NRG3: variants seen among roughly 807,000 people sequenced by gnomAD.
The protein encoded by NRG3 is pro-neuregulin-3, membrane-bound isoform.
NRG3 carries 31 observed loss-of-function variants against 66.9 expected under a neutral mutation model. The observed-to-expected ratio is 0.46, with a 90% CI of 0.35 to 0.63. The LOEUF (loss-of-function observed/expected upper bound fraction) is 0.63. Ranked by LOEUF, NRG3 falls within the 20% of genes least tolerant of loss-of-function variation. NRG3 has a pLI of 0.00. For synonymous variants in NRG3, 393 were observed against 359.4 expected (o/e 1.09, Z -1.06); for missense variants, 910 against 878.9 (o/e 1.04, Z -0.45).
At chr10:82,138,769 A>C (rs2132612989) in intron 1 of NRG3, among the ~76,000 whole-genome samples, 1 of 152,262 alleles carries the variant, frequency 6.6e-6, no homozygotes. Flanking sequence ...AGAGTCCCAA[A>C]GCTGAAGGAC....
intron 1 of NRG3, among the ~76,000 whole-genome samples, chr10:82,188,421 C>T (rs1011538887): frequency 1.3e-5 from 2 of 151,930 alleles, no homozygotes; most frequent in Non-Finnish European, 2.9e-5. Context: ...GAGCAGTACC[C>T]CAGCATAAGC....
chr10:82,927,234 C>A (rs963327537), intron 4 of NRG3, among the ~76,000 whole-genome samples: 1 of 152,062 alleles, frequency 6.6e-6, no homozygotes, highest in African/African-American at 2.4e-5. Context: ...ATTTACCCAG[C>A]ACAATAAAGG....
chr10:82,666,888 G>T lies in NRG3; in HGVS notation c.954-71689G>T, dbSNP rs148801515. Among the ~76,000 whole-genome samples, 1,357 of 152,264 alleles carry T rather than the reference G, an allele frequency of 8.9e-3. 23 individuals are homozygous for T. The highest frequency in any genetic ancestry group is 0.03 in the African/African-American group (1,239 of 41,542). On this transcript the variant is annotated intron_variant, in intron 2 of 8. Transcript: ENST00000372141. ...ATATGGTAATAAATATTTGTGAGAT[G>T]ACTTTAATAAATGCATGATACATTA... is the stretch of plus-strand genomic sequence containing the variant.
At chr10:82,173,674 AACACACAC>A (rs3037392) in intron 1 of NRG3, among the ~76,000 whole-genome samples, 7 of 146,618 alleles carry the variant, frequency 4.8e-5, no homozygotes, top group African/African-American at 1.0e-4. Context: ...TGCATATGTG[AACACACAC>A]ACACACACAC....
At chr10:82,804,076 A>C (rs1187563967) in intron 3 of NRG3, among the ~76,000 whole-genome samples, 1 of 152,152 alleles carries the variant, frequency 6.6e-6, no homozygotes, top group African/African-American at 2.4e-5. Context: ...TTATCAGATC[A>C]ACCATCACAG....
intron 1 of NRG3, among the ~76,000 whole-genome samples, chr10:82,057,061 G>A (rs148454572): frequency 2.0e-5 from 3 of 152,044 alleles, no homozygotes; most frequent in African/African-American, 4.8e-5. Context: ...TTAGGATTTT[G>A]CACTTTATAC....
At chr10:82,702,041 T>C (rs1176023127) in intron 2 of NRG3, among the ~76,000 whole-genome samples, 1 of 152,152 alleles carries the variant, frequency 6.6e-6, no homozygotes, top group Non-Finnish European at 1.5e-5. Context: ...GATCACCCTG[T>C]GAGGCTGATG....
chr10:82,350,035 A>G (rs1292936592), intron 1 of NRG3, among the ~76,000 whole-genome samples: 1 of 151,972 alleles, frequency 6.6e-6, no homozygotes, highest in Non-Finnish European at 1.5e-5. Flanking sequence ...TGCGTCGCTC[A>G]CGCTGGGAGC....
intron 1 of NRG3, chr10:82,228,937 A>G (rs2076308049): frequency 6.6e-6 from 1 of 152,296 alleles, no homozygotes; most frequent in Non-Finnish European, 1.5e-5. Context: ...CACTTGTATG[A>G]AAGGAGTCAG....
At chr10:82,565,014 G>A (rs1020777497) in intron 2 of NRG3, among the ~76,000 whole-genome samples, 1 of 151,998 alleles carries the variant, frequency 6.6e-6, no homozygotes, top group African/African-American at 2.4e-5. Flanking sequence ...AGATGACAGG[G>A]CAAAAAGAAC....
At chr10:82,103,742 C>A (rs1188906358) in intron 1 of NRG3, among the ~76,000 whole-genome samples, 1 of 152,124 alleles carries the variant, frequency 6.6e-6, no homozygotes, top group Admixed American at 6.5e-5. Context: ...CAAGGGCCTC[C>A]TCCAGTTCTG....
chr10:82,799,311 G>A (rs1023683073), intron 3 of NRG3, among the ~76,000 whole-genome samples: 9 of 151,928 alleles, frequency 5.9e-5, no homozygotes, highest in African/African-American at 1.9e-4. Context: ...GCGGATCACC[G>A]AAGTCAGGAG....
In NRG3 at chr10:82,921,800, C is replaced by A. The variant is rs150357368; in HGVS notation, c.1055-29669C>A. Reference sequence around the variant, plus strand: ...CTCACTTTTCATCTTCTTTGCATCCCAACATAATTATTTCAGCTTTAGAGA... The same window carrying A: ...CTCACTTTTCATCTTCTTTGCATCCAAACATAATTATTTCAGCTTTAGAGA... On this transcript the variant is annotated intron_variant, in intron 4 of 8. Coordinates refer to ENST00000372141, the MANE Select transcript of NRG3 (RefSeq NM_001010848.4). 1.0e-3 allele frequency among the ~76,000 whole-genome samples: 159 copies of A among 152,142 alleles called. 3 individuals carry two copies. In the East Asian group the frequency reaches 0.026, roughly 25 times the overall value.
chr10:82,347,968 T>A (rs367632598), intron 1 of NRG3, among the ~76,000 whole-genome samples: 2 of 151,868 alleles, frequency 1.3e-5, no homozygotes, highest in Non-Finnish European at 2.9e-5. Context: ...TGTCTCTGCA[T>A]GTGAGATGGG....
chr10:82,002,061 T>C (rs2061193468), intron 1 of NRG3, among the ~76,000 whole-genome samples: 1 of 152,184 alleles, frequency 6.6e-6, no homozygotes, highest in Non-Finnish European at 1.5e-5. Flanking sequence ...TAACTCATCT[T>C]GCAAAACTTC....
In NRG3 at chr10:82,648,007, A is replaced by C. The variant is rs541932393; in HGVS notation, c.954-90570A>C. On this transcript the variant is annotated intron_variant, in intron 2 of 8. Transcript: ENST00000372141. ...TTGCTGTGCAGAAGCTCTTTAGTTT[A>C]ATTAGATCCCATTTGTCAATTTTGG... 1.9e-4 allele frequency among the ~76,000 whole-genome samples: 28 copies of C among 147,782 alleles called. No homozygotes were observed. In the South Asian group the frequency reaches 5.6e-3, roughly 29 times the overall value.
intron 2 of NRG3, among the ~76,000 whole-genome samples, chr10:82,405,380 A>C (rs555475772): frequency 5.4e-4 from 82 of 152,046 alleles, no homozygotes; most frequent in African/African-American, 1.7e-3. Context: ...TAGAGTAGGA[A>C]GAGATCACGT....
chr10:82,277,490 T>C (rs944535904), intron 1 of NRG3, among the ~76,000 whole-genome samples: 4 of 152,122 alleles, frequency 2.6e-5, no homozygotes, highest in African/African-American at 9.6e-5. Flanking sequence ...TAAGAATCTC[T>C]ACTTGGGGGA....
chr10:82,356,258 CT>C (rs2083770562), intron 1 of NRG3, among the ~76,000 whole-genome samples: 1 of 152,264 alleles, frequency 6.6e-6, no homozygotes, highest in African/African-American at 2.4e-5. Flanking sequence ...GTTAAAACCA[CT>C]GATTATAAAA....
Sources: gnomAD v4.1 joint callset for allele counts (sites outside exome capture counted in the v4.1 genomes callset) on GRCh38, gnomAD v4.1.1 for gene constraint, MANE v1.5 for transcripts, NCBI Gene and HGNC (gene_info 2026-07-23, HGNC 2026-07-21) for gene names.